The following DLG2 variants were observed in gnomAD, a reference collection of about 807,000 sequenced individuals.
The protein encoded by DLG2 is discs large MAGUK scaffold protein 2, also known as disks large homolog 2.
In DLG2, 45 loss-of-function variants were observed where a neutral mutation model predicts 132.5. The observed-to-expected ratio is 0.34, with a 90% confidence interval of 0.27 to 0.44. The LOEUF (loss-of-function observed/expected upper bound fraction) is 0.44, where lower values mean the gene tolerates loss of function less well. Among genes scored for constraint, DLG2 ranks in the 20% least tolerant of loss-of-function variants. The pLI is 1.00. For synonymous variants in DLG2, 424 were observed against 419.6 expected (o/e 1.01, Z -0.13); for missense variants, 1,045 against 1,196.9 (o/e 0.87, Z 1.87).
intron 6 of DLG2, among the ~76,000 whole-genome samples, chr11:84,751,749 G>A (rs1019368725): frequency 2.0e-5 from 3 of 152,124 alleles, no homozygotes; most frequent in Non-Finnish European, 4.4e-5. Context: ...GCAACAAATT[G>A]CAATTGATCA....
chr11:84,008,866 ACT>A (rs1304869808), intron 11 of DLG2, among the ~76,000 whole-genome samples: 1 of 149,840 alleles, frequency 6.7e-6, no homozygotes, highest in African/African-American at 2.5e-5. Context: ...TAGGTGGATC[ACT>A]CTCTTCTTTG....
chr11:84,063,663 C>T (rs999148580), intron 10 of DLG2, among the ~76,000 whole-genome samples: 2 of 152,044 alleles, frequency 1.3e-5, no homozygotes, highest in African/African-American at 4.8e-5. Context: ...CACATGCACA[C>T]GTATGTTTAT....
At chr11:83,639,333 T>C (rs552145702) in intron 18 of DLG2, among the ~76,000 whole-genome samples, 26 of 152,284 alleles carry the variant, frequency 1.7e-4, no homozygotes, top group African/African-American at 5.3e-4. Context: ...GCTGGCTGCA[T>C]AGTATTCCAT....
intron 7 of DLG2, among the ~76,000 whole-genome samples, chr11:84,409,710 A>G (rs1487007373): frequency 6.6e-6 from 1 of 152,230 alleles, no homozygotes; most frequent in Non-Finnish European, 1.5e-5. Flanking sequence ...CAGGGCAAGC[A>G]TTGTAACCAT....
intron 3 of DLG2, among the ~76,000 whole-genome samples, chr11:85,399,159 A>G (rs1485535955): frequency 4.6e-5 from 7 of 152,326 alleles, no homozygotes; most frequent in Admixed American, 4.6e-4. Context: ...GAGCCAAATC[A>G]TGAGTGAACT....
At chr11:84,109,803 A>C (rs893587640) in intron 9 of DLG2, among the ~76,000 whole-genome samples, 77 of 152,296 alleles carry the variant, frequency 5.1e-4, no homozygotes, top group African/African-American at 1.8e-3. Context: ...GTCTATTTAG[A>C]CTGGTTTGTG....
At chr11:85,397,269 C>T (rs1360714916) in intron 3 of DLG2, among the ~76,000 whole-genome samples, 1 of 152,142 alleles carries the variant, frequency 6.6e-6, no homozygotes, top group African/African-American at 2.4e-5. Context: ...ATAAGAGCTA[C>T]TGAAGGAAGC....
intron 3 of DLG2, chr11:85,452,278 A>G (rs2092275133): frequency 6.6e-6 from 1 of 152,216 alleles, no homozygotes; most frequent in African/African-American, 2.4e-5. Flanking sequence ...AGGCACTGAC[A>G]TAACCAAGCC....
At chr11:83,860,092 G>C (rs980269945) in intron 16 of DLG2, among the ~76,000 whole-genome samples, 1 of 152,198 alleles carries the variant, frequency 6.6e-6, no homozygotes, top group Admixed American at 6.5e-5. Context: ...GTTTGCTGCA[G>C]GGGTACAGTC....
intron 6 of DLG2, among the ~76,000 whole-genome samples, chr11:84,698,025 C>A (rs73513149): frequency 6.6e-6 from 1 of 151,422 alleles, no homozygotes; most frequent in African/African-American, 2.4e-5. Context: ...TAATGTCTAC[C>A]ATCAAAGAAG....
chr11:85,341,307 A>G (rs184709100), intron 3 of DLG2, among the ~76,000 whole-genome samples: 5 of 152,186 alleles, frequency 3.3e-5, no homozygotes, highest in Admixed American at 3.3e-4. Flanking sequence ...TTTTTAGTAG[A>G]CACAGGGTTT....
chr11:85,208,000 T>C (rs1281605433), intron 4 of DLG2, among the ~76,000 whole-genome samples: 1 of 152,102 alleles, frequency 6.6e-6, no homozygotes, highest in African/African-American at 2.4e-5. Flanking sequence ...AGAAGTGGCA[T>C]ACTGTGTTTA....
intron 21 of DLG2, among the ~76,000 whole-genome samples, chr11:83,521,221 A>T (rs903719783): frequency 6.6e-6 from 1 of 152,194 alleles, no homozygotes; most frequent in African/African-American, 2.4e-5. Context: ...CTGCCTCTTT[A>T]TTTATCAAAT....
intron 7 of DLG2, among the ~76,000 whole-genome samples, chr11:84,314,679 A>G (rs1047841699): frequency 6.2e-4 from 95 of 152,006 alleles, no homozygotes; most frequent in African/African-American, 2.2e-3. Context: ...TTGAAATAAT[A>G]TAGAACTCTA....
chr11:83,985,872 C>T (rs2093246110), intron 11 of DLG2, among the ~76,000 whole-genome samples: 1 of 151,976 alleles, frequency 6.6e-6, no homozygotes, highest in African/African-American at 2.4e-5. Context: ...GATATATACC[C>T]AGTGATGGGA....
chr11:85,445,980 C>T (rs2091990949), intron 3 of DLG2, among the ~76,000 whole-genome samples: 1 of 152,126 alleles, frequency 6.6e-6, no homozygotes, highest in South Asian at 2.1e-4. Flanking sequence ...ACAACTTGCC[C>T]AAAGCCACAA....
rs192224951 is a variant in DLG2 at position 83,877,873 on chromosome 11, C to A, written c.1497-3385G>T. On this transcript the variant is annotated intron_variant, in intron 15 of 27. Coordinates refer to ENST00000376104, the MANE Select transcript of DLG2 (RefSeq NM_001142699.3). ...GTTTGGAGCTACCTGATGGTGACTA[C>A]AACTGGTATTTTAAAGAACACCAAA... 7.2e-5 allele frequency among the ~76,000 whole-genome samples: 11 copies of A among 152,290 alleles called. No individual in the cohort carries two copies. The East Asian group carries it at 9.6e-4, about 13-fold the overall frequency.
chr11:85,594,287 C>T (rs933111753), intron 3 of DLG2, among the ~76,000 whole-genome samples: 13 of 152,168 alleles, frequency 8.5e-5, no homozygotes, highest in Non-Finnish European at 1.6e-4. Context: ...CCAAAATCCA[C>T]AAGGTTCTCT....
chr11:85,191,443 C>T (rs2080566321), intron 4 of DLG2, among the ~76,000 whole-genome samples: 1 of 152,120 alleles, frequency 6.6e-6, no homozygotes, highest in African/African-American at 2.4e-5. Flanking sequence ...CCAGGTTCCA[C>T]TGGCCACACA....
Sources: gnomAD v4.1 joint callset for allele counts (sites outside exome capture counted in the v4.1 genomes callset) on GRCh38, gnomAD v4.1.1 for gene constraint, MANE v1.5 for transcripts, NCBI Gene and HGNC (gene_info 2026-07-23, HGNC 2026-07-21) for gene names.